The following UHRF2 variants were observed in gnomAD, a reference collection of about 807,000 sequenced individuals.
UHRF2 encodes the protein ubiquitin like with PHD and ring finger domains 2.
A neutral mutation model predicts 96.8 loss-of-function variants in UHRF2; 23 were observed. That is an observed-to-expected ratio of 0.24 (90% CI 0.17 to 0.34). UHRF2 has a LOEUF of 0.34. Ranked by LOEUF, UHRF2 falls within the 10% of genes least tolerant of loss-of-function variation. The pLI, the probability that UHRF2 is intolerant of heterozygous loss-of-function variation, is 1.00. For missense variants in UHRF2, 685 were observed against 981.5 expected, an observed-to-expected ratio of 0.70 and a Z score of 4.04; for synonymous variants, 385 against 332.6, an observed-to-expected ratio of 1.16 and a Z score of -1.72.
At position 6,462,635 on chromosome 9, in the gene UHRF2, C is replaced by T. The variant is rs375895177; in HGVS notation, c.863+1844C>T. On this transcript the variant is annotated intron_variant, in intron 4 of 15. Coordinates refer to ENST00000276893, the MANE Select transcript of UHRF2 (RefSeq NM_152896.3). ...AAGCTTGCTATTAAAAAAAGATTTC[C>T]TGGCTGGGTGCAGTGGCTCATGCCT... Among the ~76,000 whole-genome samples the T allele has an allele frequency of 4.7e-4, 72 of 152,068 alleles. 1 individual carries two copies. Among genetic ancestry groups the T allele is most frequent in the African/African-American group, 1.5e-3 (64 of 41,430 alleles).
intron 4 of UHRF2, among the ~76,000 whole-genome samples, chr9:6,469,701 C>CAGATAT (rs1823108476): frequency 6.7e-6 from 1 of 148,572 alleles, no homozygotes; most frequent in African/African-American, 2.5e-5. Context: ...CACGTATATA[C>CAGATAT]ATACATATAC....
chr9:6,468,939 T>C (rs1051262271), intron 4 of UHRF2, among the ~76,000 whole-genome samples: 18 of 152,216 alleles, frequency 1.2e-4, no homozygotes, highest in African/African-American at 4.3e-4. Context: ...TGAACTTTCC[T>C]TTATATAAGA....
intron 9 of UHRF2, chr9:6,492,663 C>G (rs1824729701): frequency 6.6e-6 from 1 of 152,560 alleles, no homozygotes; most frequent in South Asian, 2.1e-4. Context: ...GTTGTCTAAA[C>G]TAATTAAAAT....
intron 4 of UHRF2, among the ~76,000 whole-genome samples, chr9:6,466,498 C>G (rs1298308168): frequency 1.3e-5 from 2 of 149,042 alleles, no homozygotes; most frequent in Non-Finnish European, 3.0e-5. Context: ...AGAGATCACG[C>G]CACTGTACTC....
chr9:6,443,086 A>G (rs1472379477), intron 3 of UHRF2, among the ~76,000 whole-genome samples: 3 of 152,198 alleles, frequency 2.0e-5, no homozygotes, highest in Admixed American at 6.5e-5. Context: ...TGAACAAGGA[A>G]GTGTCTATGT....
rs900341631 is a variant in UHRF2, at chr9:6,477,551, T to A, written c.974-71T>A. ...CAAAAAAAATGCTGTTTCCATGGGCTTTTCTTTATGAGATTCATAGATATA... is the reference window on the plus strand; with the variant it reads ...CAAAAAAAATGCTGTTTCCATGGGCATTTCTTTATGAGATTCATAGATATA... On this transcript the variant is annotated intron_variant, in intron 5 of 15. Transcript: ENST00000276893. 6.3e-6 allele frequency: 9 copies of A among 1,420,732 alleles called. No homozygotes were observed. The African/African-American group carries it at 1.3e-4, about 20-fold the overall frequency. 88.0% of individuals were successfully genotyped at this position (1,420,732 alleles called of 1,614,324 possible).
intron 3 of UHRF2, among the ~76,000 whole-genome samples, chr9:6,454,577 C>T (rs948235050): frequency 2.6e-5 from 4 of 152,092 alleles, no homozygotes; most frequent in Non-Finnish European, 4.4e-5. Flanking sequence ...CCATCACCTA[C>T]GTAAGATCCC....
intron 3 of UHRF2, among the ~76,000 whole-genome samples, chr9:6,453,973 A>G (rs1338864807): frequency 6.6e-6 from 1 of 152,196 alleles, no homozygotes; most frequent in Non-Finnish European, 1.5e-5. Context: ...TGTACTTGTC[A>G]GGTTCCTTCT....
Position 6,433,922 on chromosome 9 carries a change from A to G in UHRF2, c.393A>G (p.Glu131=), listed in dbSNP as rs368430664. 3 of 1,603,374 alleles carry G rather than the reference A, an allele frequency of 1.9e-6. No individual in the cohort carries two copies. The highest frequency in any genetic ancestry group is 1.7e-6 in the Non-Finnish European group (2 of 1,172,076). The part of the protein sequence containing the change: ...DPGFGIYKVN[E]LVDARDVGLG... Reference sequence around the variant, plus strand: ...TTTTAAACTTTTTTTAGGTAAATGAATTGGTGGATGCCAGAGATGTCGGCC... The same window carrying G: ...TTTTAAACTTTTTTTAGGTAAATGAGTTGGTGGATGCCAGAGATGTCGGCC... Residue 131 remains glutamate (E), a synonymous_variant, in exon 3 of 16, where the codon GAA becomes GAG. Transcript: ENST00000276893.
At chr9:6,470,131 G>C (rs1444577006) in intron 4 of UHRF2, among the ~76,000 whole-genome samples, 1 of 152,180 alleles carries the variant, frequency 6.6e-6, no homozygotes, top group Non-Finnish European at 1.5e-5. Context: ...GCAGCATTTT[G>C]GAAGGCCAAG....
At chr9:6,465,923 A>G (rs946394191) in intron 4 of UHRF2, among the ~76,000 whole-genome samples, 7 of 152,170 alleles carry the variant, frequency 4.6e-5, no homozygotes, top group Admixed American at 1.3e-4. Context: ...GTCATTTTCT[A>G]TTTATTTTAG....
intron 3 of UHRF2, among the ~76,000 whole-genome samples, chr9:6,446,094 G>T (rs1287524261): frequency 6.7e-6 from 1 of 150,160 alleles, no homozygotes; most frequent in Non-Finnish European, 1.5e-5. Context: ...CCTGGCTCAG[G>T]TGATCCTCCT....
chr9:6,424,754 T>C (rs867822656), intron 2 of UHRF2, among the ~76,000 whole-genome samples: 1 of 151,480 alleles, frequency 6.6e-6, no homozygotes, highest in Non-Finnish European at 1.5e-5. Flanking sequence ...TCCTTTGACA[T>C]TGACTGTGAC....
Position 6,421,119 on chromosome 9 carries a change from G to C in UHRF2, c.361G>C (p.Asp121His), listed in dbSNP as rs1419500062. The change falls in exon 2 of 16, where the codon GAT (aspartate) becomes CAT (histidine). Residue 121 changes from aspartate to histidine, a missense_variant. Physicochemically the swap from Asp to His is moderately conservative, Grantham distance 81 (BLOSUM62 -1). Coordinates refer to ENST00000276893, the MANE Select transcript of UHRF2 (RefSeq NM_152896.3). ...PSTSARARLI[D>H]PGFGIYKVNE... ...TACATCAGCTCGTGCCCGTCTTATT[G>C]ATCCTGGCTTTGGAATATATAAGGT... 1 of 1,613,812 alleles carries C rather than the reference G, an allele frequency of 6.2e-7. No homozygotes were observed. Among genetic ancestry groups the C allele is most frequent in the South Asian group, 1.1e-5 (1 of 91,052 alleles).
At chr9:6,488,370 A>T (rs1410770752) in intron 9 of UHRF2, among the ~76,000 whole-genome samples, 1 of 149,310 alleles carries the variant, frequency 6.7e-6, no homozygotes, top group Non-Finnish European at 1.5e-5. Context: ...TTGCAAAACT[A>T]TATAGTACAA....
Position 6,504,365 on chromosome 9 carries a change from T to G in UHRF2, c.2164-228T>G, listed in dbSNP as rs75337563. On this transcript the variant is annotated intron_variant, in intron 14 of 15. Coordinates refer to ENST00000276893, the MANE Select transcript of UHRF2 (RefSeq NM_152896.3). ...TTAAATGTGACTGAAACATTTTTAT[T>G]GCTAAATAATAGATGGATATATTTT... 6.8e-4 allele frequency: 219 copies of G among 324,418 alleles called. 1 individual carries two copies. Among genetic ancestry groups the G allele is most frequent in the African/African-American group, 4.5e-3 (209 of 46,290 alleles). The allele number at this position is 324,418 out of a possible 1,614,324, so 20.1% of individuals were successfully genotyped here.
intron 10 of UHRF2, chr9:6,496,667 A>G (rs1455050668): frequency 6.6e-6 from 1 of 152,332 alleles, no homozygotes; most frequent in Non-Finnish European, 1.5e-5. Flanking sequence ...ACATTCTCAT[A>G]CACCACTTAT....
At chr9:6,489,353 C>G (rs1824512746) in intron 9 of UHRF2, among the ~76,000 whole-genome samples, 2 of 152,212 alleles carry the variant, frequency 1.3e-5, no homozygotes, top group African/African-American at 4.8e-5. Flanking sequence ...TTAGCTATTA[C>G]AGATAAAGCT....
chr9:6,452,023 T>A (rs1821903510), intron 3 of UHRF2, among the ~76,000 whole-genome samples: 1 of 152,204 alleles, frequency 6.6e-6, no homozygotes, highest in Admixed American at 6.5e-5. Context: ...AGTGTATATA[T>A]GTGTATTTAT....
Sources: allele counts gnomAD v4.1 joint callset (sites outside exome capture counted in the v4.1 genomes callset), GRCh38; gene constraint gnomAD v4.1.1; transcripts MANE v1.5; gene names NCBI Gene and HGNC (gene_info 2026-07-23, HGNC 2026-07-21).